Variants in IL12RB2 observed in about 807,000 individuals in gnomAD.
IL12RB2 encodes interleukin-12 receptor subunit beta-2.
Under a neutral mutation model 89.4 loss-of-function variants are expected in IL12RB2, and 82 were observed. That is an observed-to-expected ratio of 0.92 (90% CI 0.77 to 1.10). IL12RB2 has a LOEUF of 1.10. Among genes scored for constraint, IL12RB2 ranks in the 50% least tolerant of loss-of-function variants. IL12RB2 has a pLI of 0.00. For synonymous variants in IL12RB2, 368 were observed against 370.1 expected (o/e 0.99, Z 0.07); for missense variants, 963 against 1,031.9 (o/e 0.93, Z 0.92).
intron 11 of IL12RB2, among the ~76,000 whole-genome samples, chr1:67,371,919 C>T (rs781758582): frequency 2.0e-5 from 3 of 152,168 alleles, no homozygotes; most frequent in Non-Finnish European, 2.9e-5. Flanking sequence ...TGATAAGCAT[C>T]GCAGAATTAG....
intron 2 of IL12RB2, among the ~76,000 whole-genome samples, chr1:67,318,888 G>GAAAAAA (rs563343309): frequency 7.0e-6 from 1 of 141,880 alleles, no homozygotes; most frequent in African/African-American, 2.6e-5. Flanking sequence ...AGTAGAAATG[G>GAAAAAA]AAAAAAAAAA....
chr1:67,376,078 C>T (rs1177068425), intron 13 of IL12RB2, among the ~76,000 whole-genome samples: 1 of 152,070 alleles, frequency 6.6e-6, no homozygotes, highest in Non-Finnish European at 1.5e-5. Flanking sequence ...AATCTCCTGA[C>T]CTCGTGATCT....
At chr1:67,375,310 C>A (rs1303089542) in intron 13 of IL12RB2, among the ~76,000 whole-genome samples, 1 of 152,130 alleles carries the variant, frequency 6.6e-6, no homozygotes, top group Admixed American at 6.5e-5. Flanking sequence ...GTGTGAGGAT[C>A]ACTGAGCCCA....
intron 3 of IL12RB2, among the ~76,000 whole-genome samples, chr1:67,320,721 A>T (rs1656376622): frequency 6.6e-6 from 1 of 152,150 alleles, no homozygotes; most frequent in Non-Finnish European, 1.5e-5. Flanking sequence ...ACATTTCAGC[A>T]CATTTTTCTT....
At chr1:67,363,015 G>T (rs907559259) in intron 10 of IL12RB2, among the ~76,000 whole-genome samples, 3 of 151,064 alleles carry the variant, frequency 2.0e-5, no homozygotes, top group Non-Finnish European at 2.9e-5. Flanking sequence ...CGATTCTCCT[G>T]CCTCAGCCTC....
intron 10 of IL12RB2, among the ~76,000 whole-genome samples, chr1:67,362,920 T>TTG (rs1553123422): frequency 6.6e-6 from 1 of 151,776 alleles, no homozygotes. Context: ...TTTTTTTTTT[T>TTG]TGTGACGGAG....
chr1:67,387,717 A>AAAG (rs1491164198), intron 15 of IL12RB2, among the ~76,000 whole-genome samples: 1 of 145,538 alleles, frequency 6.9e-6, no homozygotes, highest in East Asian at 2.0e-4. Context: ...AAAAAAAAAA[A>AAAG]GAAAGAAATT....
Position 67,322,347 on chromosome 1 carries a change from C to T in IL12RB2, c.364+458C>T, listed in dbSNP as rs144471269. Among the ~76,000 whole-genome samples the T allele has an allele frequency of 1.5e-3, 235 of 151,958 alleles. 2 individuals carry two copies. Among genetic ancestry groups the T allele is most frequent in the African/African-American group, 5.4e-3 (225 of 41,404 alleles). ...GTTCTTCCATCCATGCTCACCCGGA[C>T]CACTGGTTCTCATACTTAACAGAAG... On this transcript the variant is annotated intron_variant, in intron 4 of 16. Coordinates refer to ENST00000674203, the MANE Select transcript of IL12RB2 (RefSeq NM_001374259.2).
intron 14 of IL12RB2, among the ~76,000 whole-genome samples, chr1:67,384,749 A>G (rs988360531): frequency 6.6e-6 from 1 of 152,140 alleles, no homozygotes; most frequent in Non-Finnish European, 1.5e-5. Context: ...AGTTCCAAAG[A>G]TCTCTGGGGC....
At chr1:67,328,157 C>T in intron 5 of IL12RB2, 43 bp from the exon 6 acceptor site, 1 of 1,259,796 alleles carries the variant, frequency 7.9e-7, no homozygotes, top group Non-Finnish European at 1.2e-6. Context: ...TAGAAAGTAG[C>T]ACATAAAACA....
intron 8 of IL12RB2, among the ~76,000 whole-genome samples, chr1:67,332,253 T>C (rs1658192937): frequency 6.6e-6 from 1 of 151,174 alleles, no homozygotes; most frequent in South Asian, 2.1e-4. Context: ...TCTTGCTCTG[T>C]CACCCAGGCT....
At chr1:67,328,004 A>G (rs1657553802) in intron 5 of IL12RB2, among the ~76,000 whole-genome samples, 196 bp from the exon 6 acceptor site, 1 of 152,360 alleles carries the variant, frequency 6.6e-6, no homozygotes, top group East Asian at 1.9e-4. Flanking sequence ...AGTTCTACCA[A>G]AAAAGGGAGT....
chr1:67,337,432 C>A (rs1658909971), intron 8 of IL12RB2, among the ~76,000 whole-genome samples: 1 of 152,178 alleles, frequency 6.6e-6, no homozygotes. Context: ...AAAATGACTT[C>A]ACTCACTCAC....
At chr1:67,345,445 G>A (rs960519090) in intron 9 of IL12RB2, among the ~76,000 whole-genome samples, 2 of 152,130 alleles carry the variant, frequency 1.3e-5, no homozygotes, top group South Asian at 4.1e-4. Context: ...ATATCACACT[G>A]CACTGAAGTG....
chr1:67,395,360 C>T (rs572479013), intron 16 of IL12RB2, among the ~76,000 whole-genome samples, 187 bp from the exon 17 acceptor site: 2 of 152,240 alleles, frequency 1.3e-5, no homozygotes, highest in East Asian at 3.9e-4. Context: ...GAGTCTCTGG[C>T]TCCTGCCCCT....
At chr1:67,385,582 G>A (rs1368933832) in intron 14 of IL12RB2, among the ~76,000 whole-genome samples, 1 of 152,202 alleles carries the variant, frequency 6.6e-6, no homozygotes, top group Non-Finnish European at 1.5e-5. Flanking sequence ...GCAGAGCCAT[G>A]TCCTATTTAT....
At chr1:67,363,243 C>A (rs1662319046) in intron 10 of IL12RB2, among the ~76,000 whole-genome samples, 1 of 97,144 alleles carries the variant, frequency 1.0e-5, no homozygotes, top group Non-Finnish European at 1.9e-5. Context: ...TGAGACAGAG[C>A]TTTGCTCTTG....
In IL12RB2 at chr1:67,386,746, G is replaced by A. The variant is rs1665195189; in HGVS notation, c.1946+77G>A. ...AATAGCTGTTGCTGCCATGGGTCAG[G>A]GAAATGGACACTCTCACACATTCCT... On this transcript the variant is annotated intron_variant, in intron 15 of 16. Transcript: ENST00000674203. 6.3e-6 allele frequency: 6 copies of A among 951,580 alleles called. No individual in the cohort carries two copies. In the East Asian group the frequency reaches 1.4e-4, roughly 23 times the overall value. 58.9% of individuals were successfully genotyped at this position (951,580 alleles called of 1,614,324 possible). A position where few individuals can be genotyped will look rare whatever the true frequency, so the allele number is the denominator to read the frequency against.
At chr1:67,341,525 G>GAAGGAAAGAAA (rs1168231812) in intron 9 of IL12RB2, among the ~76,000 whole-genome samples, 3 of 30,814 alleles carry the variant, frequency 9.7e-5, no homozygotes, top group African/African-American at 1.7e-4. Flanking sequence ...AAAGAAAAAA[G>GAAGGAAAGAAA]AAAGAGAAAG....
Sources: allele counts gnomAD v4.1 joint callset (sites outside exome capture counted in the v4.1 genomes callset), GRCh38; gene constraint gnomAD v4.1.1; transcripts MANE v1.5; gene names NCBI Gene and HGNC (gene_info 2026-07-23, HGNC 2026-07-21).